EPB41L2: variants seen among roughly 807,000 people sequenced by gnomAD.
EPB41L2 encodes the protein erythrocyte membrane protein band 4.1 like 2.
Under a neutral mutation model 113.0 loss-of-function variants are expected in EPB41L2, and 43 were observed. The ratio of observed to expected loss-of-function variants is 0.38; its 90% confidence interval spans 0.30 to 0.49. The LOEUF (loss-of-function observed/expected upper bound fraction) is 0.49. Among genes scored for constraint, EPB41L2 ranks in the 20% least tolerant of loss-of-function variants. The pLI, the probability that EPB41L2 is intolerant of heterozygous loss-of-function variation, is 0.95. For synonymous variants in EPB41L2, 442 were observed against 436.7 expected, an observed-to-expected ratio of 1.01 and a Z score of -0.15; for missense variants, 1,147 against 1,223.4, an observed-to-expected ratio of 0.94 and a Z score of 0.93.
At chr6:130,912,649 T>C (rs897758963) in intron 4 of EPB41L2, among the ~76,000 whole-genome samples, 2 of 152,124 alleles carry the variant, frequency 1.3e-5, no homozygotes, top group African/African-American at 4.8e-5. Flanking sequence ...CAGCTCTAAT[T>C]ACCCCTTCAG....
intron 18 of EPB41L2, 37 bp from the exon 19 acceptor site, chr6:130,858,280 G>A: frequency 6.5e-7 from 1 of 1,535,412 alleles, no homozygotes; most frequent in Non-Finnish European, 8.9e-7. Flanking sequence ...TGTGAGCTGG[G>A]GAACAGCCTC....
intron 1 of EPB41L2, among the ~76,000 whole-genome samples, chr6:130,985,540 T>C (rs1780356277): frequency 1.3e-5 from 2 of 152,140 alleles, no homozygotes; most frequent in African/African-American, 2.4e-5. Flanking sequence ...CTGCAGCAGG[T>C]AGCATGGCCA....
intron 4 of EPB41L2, among the ~76,000 whole-genome samples, chr6:130,910,921 TTGG>T (rs1433507218): frequency 6.6e-6 from 1 of 152,200 alleles, no homozygotes; most frequent in Non-Finnish European, 1.5e-5. Flanking sequence ...TTTTACACTG[TTGG>T]TGGGAGTGTA....
chr6:131,026,905 T>C (rs17784896), intron 1 of EPB41L2, among the ~76,000 whole-genome samples: 41,803 of 152,030 alleles, frequency 0.27, 6,986 homozygotes, highest in Non-Finnish European at 0.37. Context: ...CATTCATCAA[T>C]GTTTCCCAGA....
intron 3 of EPB41L2, among the ~76,000 whole-genome samples, chr6:130,941,405 C>A (rs139482863): frequency 6.6e-6 from 1 of 152,122 alleles, no homozygotes; most frequent in African/African-American, 2.4e-5. Flanking sequence ...TAGCCAGAAG[C>A]GCACACCAAA....
At chr6:130,843,539 C>T (rs1776144310) in intron 19 of EPB41L2, among the ~76,000 whole-genome samples, 10 of 152,170 alleles carry the variant, frequency 6.6e-5, no homozygotes, top group Admixed American at 6.5e-4. Flanking sequence ...TTCACTTTTA[C>T]ACTATCACAG....
intron 3 of EPB41L2, among the ~76,000 whole-genome samples, chr6:130,950,558 C>A (rs1023436595): frequency 6.6e-6 from 1 of 152,092 alleles, no homozygotes; most frequent in African/African-American, 2.4e-5. Flanking sequence ...TTCCACTCTT[C>A]TCCCAAAAAG....
chr6:130,909,024 T>C (rs1798535763), intron 4 of EPB41L2, among the ~76,000 whole-genome samples, 161 bp from the exon 5 acceptor site: 1 of 152,236 alleles, frequency 6.6e-6, no homozygotes, highest in Non-Finnish European at 1.5e-5. Context: ...TATTGCTTTG[T>C]CCTTGGGGAC....
chr6:131,037,791 C>G (rs1363471508), intron 1 of EPB41L2, among the ~76,000 whole-genome samples: 1 of 151,960 alleles, frequency 6.6e-6, no homozygotes, highest in Non-Finnish European at 1.5e-5. Context: ...GTTTCACCAT[C>G]TTGGCCAAGC....
chr6:131,063,012 G>C (rs1799035029), intron 1 of EPB41L2, 143 bp downstream of exon 1: 1 of 152,584 alleles, frequency 6.6e-6, no homozygotes, highest in Non-Finnish European at 1.5e-5. Flanking sequence ...CCATCCCGGT[G>C]GGACCGTCCC....
chr6:130,851,967 A>G (rs1778876170), intron 19 of EPB41L2, among the ~76,000 whole-genome samples: 2 of 152,030 alleles, frequency 1.3e-5, no homozygotes, highest in South Asian at 4.2e-4. Context: ...GGGGACTCAC[A>G]AATCTCTCTC....
At chr6:130,984,248 C>A (rs1476484877) in intron 1 of EPB41L2, among the ~76,000 whole-genome samples, 1 of 152,118 alleles carries the variant, frequency 6.6e-6, no homozygotes, top group Non-Finnish European at 1.5e-5. Context: ...ATGTCTGAGG[C>A]TATTTTACAG....
intron 1 of EPB41L2, among the ~76,000 whole-genome samples, chr6:130,965,281 T>C (rs765034760): frequency 6.6e-6 from 1 of 152,214 alleles, no homozygotes; most frequent in African/African-American, 2.4e-5. Context: ...AACCAATTCA[T>C]AAATCTTGGT....
In EPB41L2 at chr6:131,012,970, T is replaced by C. The variant is rs373968900; in HGVS notation, c.-15+50185A>G. 1.9e-4 allele frequency among the ~76,000 whole-genome samples: 29 copies of C among 152,248 alleles called. 1 individual carries two copies. Among genetic ancestry groups the C allele is most frequent in the African/African-American group, 6.3e-4 (26 of 41,542 alleles). On this transcript the variant is annotated intron_variant, in intron 1 of 19. Transcript: ENST00000337057. ...GTAACTATTTTGTATTAATAATAATTAGCAACACATAGACAGGACTCCAAA... is the reference window on the plus strand; with the variant it reads ...GTAACTATTTTGTATTAATAATAATCAGCAACACATAGACAGGACTCCAAA...
At chr6:130,991,580 C>CCAATATTACT (rs1310168848) in intron 1 of EPB41L2, among the ~76,000 whole-genome samples, 1 of 152,180 alleles carries the variant, frequency 6.6e-6, no homozygotes, top group African/African-American at 2.4e-5. Flanking sequence ...ACAGCAATGT[C>CCAATATTACT]CAATATTACT....
At position 130,926,604 on chromosome 6, in the gene EPB41L2, C is replaced by T; in HGVS notation, c.810+1G>A. 1 of 1,584,116 alleles carries T rather than the reference C, an allele frequency of 6.3e-7. No individual in the cohort carries two copies. Among genetic ancestry groups the T allele is most frequent in the Non-Finnish European group, 8.6e-7 (1 of 1,162,110 alleles). On this transcript the variant is annotated splice_donor_variant, in intron 4 of 19. Coordinates refer to ENST00000337057, the MANE Select transcript of EPB41L2 (RefSeq NM_001431.4). LOFTEE classifies it high-confidence loss of function. ...ATAAAAATAAACTTGAAATCACTTA[C>T]TTTCTGCTCAGGGCTTTCCTGAAAC...
chr6:130,950,030 G>A (rs1459705267), intron 3 of EPB41L2, among the ~76,000 whole-genome samples: 1 of 152,166 alleles, frequency 6.6e-6, no homozygotes, highest in African/African-American at 2.4e-5. Context: ...GTAGTTACAT[G>A]TGGGGGCAGT....
At chr6:131,050,741 A>C (rs971873703) in intron 1 of EPB41L2, among the ~76,000 whole-genome samples, 1 of 152,202 alleles carries the variant, frequency 6.6e-6, no homozygotes, top group African/African-American at 2.4e-5. Context: ...CTAATCCCCA[A>C]ATCATATTCA....
chr6:130,921,687 A>G (rs1450691960), intron 4 of EPB41L2, among the ~76,000 whole-genome samples: 2 of 152,182 alleles, frequency 1.3e-5, no homozygotes, highest in African/African-American at 4.8e-5. Flanking sequence ...TGATTTCCAA[A>G]ATTTATAGAT....
Sources: allele counts gnomAD v4.1 joint callset (sites outside exome capture counted in the v4.1 genomes callset), GRCh38; gene constraint gnomAD v4.1.1; transcripts MANE v1.5; gene names NCBI Gene and HGNC (gene_info 2026-07-23, HGNC 2026-07-21).